The following PCDH15 variants were observed in gnomAD, a reference collection of about 807,000 sequenced individuals.
PCDH15 encodes protocadherin related 15.
PCDH15 carries 129 observed loss-of-function variants against 178.5 expected under a neutral mutation model. The ratio of observed to expected loss-of-function variants is 0.72; its 90% CI spans 0.63 to 0.84. The LOEUF is 0.84. Among genes scored for constraint, PCDH15 ranks in the 40% least tolerant of loss-of-function variants. PCDH15 has a pLI of 0.00. For synonymous variants in PCDH15, 800 were observed against 732.0 expected (o/e 1.09, Z -1.50); for missense variants, 2,230 against 2,099.9 (o/e 1.06, Z -1.21).
intron 2 of PCDH15, among the ~76,000 whole-genome samples, chr10:55,058,705 C>T (rs529302249): frequency 2.0e-5 from 3 of 152,140 alleles, no homozygotes; most frequent in African/African-American, 7.2e-5. Context: ...TTTGGCAGGT[C>T]TGAAAATGGA....
intron 2 of PCDH15, chr10:55,599,968 G>C: frequency 6.7e-7 from 1 of 1,497,240 alleles, no homozygotes; most frequent in Non-Finnish European, 8.9e-7. Flanking sequence ...TGAAGAGGCG[G>C]GTATAAATAA....
chr10:54,768,939 G>A (rs1388713484), intron 1 of PCDH15, among the ~76,000 whole-genome samples: 1 of 152,106 alleles, frequency 6.6e-6, no homozygotes, highest in East Asian at 1.9e-4. Flanking sequence ...CTCTGTCTGG[G>A]AAAGAAGTGT....
intron 2 of PCDH15, among the ~76,000 whole-genome samples, chr10:54,567,465 A>G (rs2089207921): frequency 6.6e-6 from 1 of 152,206 alleles, no homozygotes; most frequent in African/African-American, 2.4e-5. Flanking sequence ...AAAAAGAAAT[A>G]TAGTTAAATT....
intron 2 of PCDH15, among the ~76,000 whole-genome samples, chr10:54,939,869 G>A (rs902045037): frequency 6.6e-6 from 1 of 152,068 alleles, no homozygotes; most frequent in Non-Finnish European, 1.5e-5. Context: ...AATCTAGTTC[G>A]TGAGATCAGA....
rs1019093373 is a variant in PCDH15 at position 53,806,307 on chromosome 10, T to C, written c.*272A>G. ...AGTAATTATTTCTTGTTTATTAAAA[T>C]GAACAAAAATTCAAGACCCAACAAA... On this transcript the variant is annotated 3_prime_UTR_variant, in exon 38 of 38. Transcript: ENST00000644397. 6.3e-6 allele frequency: 2 copies of C among 316,882 alleles called. No individual in the cohort carries two copies. The highest frequency in any genetic ancestry group is 4.4e-5 in the Admixed American group (1 of 22,702). 19.6% of individuals were successfully genotyped at this position (316,882 alleles called of 1,614,324 possible).
intron 1 of PCDH15, among the ~76,000 whole-genome samples, chr10:55,253,997 C>T (rs1592023819): frequency 6.6e-6 from 1 of 152,126 alleles, no homozygotes; most frequent in Admixed American, 6.5e-5. Context: ...TGTCTCTATC[C>T]TTTAAAAACG....
chr10:55,150,751 A>G (rs1838686818), intron 2 of PCDH15, among the ~76,000 whole-genome samples: 1 of 152,166 alleles, frequency 6.6e-6, no homozygotes, highest in Non-Finnish European at 1.5e-5. Context: ...AAAAATGTTA[A>G]TCATCATTGG....
intron 20 of PCDH15, among the ~76,000 whole-genome samples, chr10:54,003,959 T>A (rs1176951327): frequency 6.6e-6 from 1 of 152,098 alleles, no homozygotes; most frequent in African/African-American, 2.4e-5. Context: ...ATAAGATTTA[T>A]CTCAGGGATA....
chr10:54,732,333 A>G (rs1468527974), intron 1 of PCDH15, among the ~76,000 whole-genome samples: 1 of 151,382 alleles, frequency 6.6e-6, no homozygotes, highest in Non-Finnish European at 1.5e-5. Flanking sequence ...AAACATCCAA[A>G]CTACCAATAT....
At chr10:54,777,363 G>A (rs1470933043) in intron 1 of PCDH15, among the ~76,000 whole-genome samples, 1 of 152,086 alleles carries the variant, frequency 6.6e-6, no homozygotes, top group African/African-American at 2.4e-5. Flanking sequence ...ATGAGTTGAC[G>A]TTTAGGAGAA....
At chr10:55,348,744 G>GT (rs1177874622) in intron 2 of PCDH15, among the ~76,000 whole-genome samples, 1 of 152,054 alleles carries the variant, frequency 6.6e-6, no homozygotes. Context: ...CTGAGACAGG[G>GT]TTTTTCTTAC....
chr10:55,246,655 A>G (rs1841687076), intron 1 of PCDH15, among the ~76,000 whole-genome samples: 2 of 152,294 alleles, frequency 1.3e-5, no homozygotes, highest in Middle Eastern at 3.4e-3. Context: ...AAGCCACTGT[A>G]TGTACTCAGA....
intron 1 of PCDH15, among the ~76,000 whole-genome samples, chr10:55,167,105 C>A (rs1315801814): frequency 1.3e-5 from 2 of 151,918 alleles, no homozygotes; most frequent in Non-Finnish European, 2.9e-5. Context: ...CTTTTGATTC[C>A]TTAGCATTTT....
intron 2 of PCDH15, among the ~76,000 whole-genome samples, chr10:54,537,219 G>T (rs371803502): frequency 5.2e-4 from 79 of 151,800 alleles, no homozygotes; most frequent in African/African-American, 1.5e-3. Flanking sequence ...CAGGATGGTC[G>T]CGATCTCCTG....
At position 54,219,592 on chromosome 10, in the gene PCDH15, CAA is replaced by C. The variant is rs763785938; in HGVS notation, c.986-5546_986-5545del. Among the ~76,000 whole-genome samples the C allele has an allele frequency of 3.9e-3, 125 of 32,376 alleles. 1 individual carries two copies. The highest frequency in any genetic ancestry group is 0.011 in the African/African-American group (115 of 10,262). 21.2% of individuals were successfully genotyped at this position (32,376 alleles called of 152,430 possible). ...TGGGTAACAGAACAAGACTCCATCT[CAA>C]AAAAAAAAAAAAAAAAAAAAAAGAG... is the stretch of plus-strand genomic sequence containing the variant. On this transcript the variant is annotated intron_variant, in intron 9 of 37. Transcript: ENST00000644397.
chr10:55,082,683 G>A (rs1292374281), intron 2 of PCDH15, among the ~76,000 whole-genome samples: 2 of 151,046 alleles, frequency 1.3e-5, no homozygotes, highest in African/African-American at 4.8e-5. Flanking sequence ...AAAAAAGAGA[G>A]AAGACTCAAA....
At chr10:53,938,742 A>C in intron 25 of PCDH15, 73 bp downstream of exon 25, 2 of 1,456,644 alleles carry the variant, frequency 1.4e-6, no homozygotes, top group Admixed American at 3.4e-5. Context: ...TATTTTAGAC[A>C]TAGGTATTTC....
intron 14 of PCDH15, among the ~76,000 whole-genome samples, chr10:54,135,944 A>G (rs534785881): frequency 2.8e-4 from 43 of 152,330 alleles, no homozygotes; most frequent in Non-Finnish European, 2.8e-4. Flanking sequence ...CATATATATG[A>G]AACATACTTT....
In PCDH15 at chr10:54,208,011, C is replaced by T. The variant is rs114164702; in HGVS notation, c.1098+5925G>A. Reference sequence around the variant, plus strand: ...ATTTTTAAGCCAGTTGATAACATCCCCTTTTGTTAGTTGGATGCTATGACA... The same window carrying T: ...ATTTTTAAGCCAGTTGATAACATCCTCTTTTGTTAGTTGGATGCTATGACA... On this transcript the variant is annotated intron_variant, in intron 10 of 37. Transcript: ENST00000644397. 6.4e-3 allele frequency among the ~76,000 whole-genome samples: 975 copies of T among 152,008 alleles called. 16 individuals are homozygous for T. Among genetic ancestry groups the T allele is most frequent in the African/African-American group, 0.023 (942 of 41,442 alleles).
Sources: allele counts gnomAD v4.1 joint callset (sites outside exome capture counted in the v4.1 genomes callset), GRCh38; gene constraint gnomAD v4.1.1; transcripts MANE v1.5; gene names NCBI Gene and HGNC (gene_info 2026-07-23, HGNC 2026-07-21).